TBC1D9: variants seen among roughly 807,000 people sequenced by gnomAD.
The protein encoded by TBC1D9 is TBC1 domain family member 9, also known as TBC1 domain family member 9A.
Under a neutral mutation model 132.0 loss-of-function variants are expected in TBC1D9, and 63 were observed. The ratio of observed to expected loss-of-function variants is 0.48; its 90% confidence interval spans 0.39 to 0.59. TBC1D9 has a LOEUF of 0.59. Among genes scored for constraint, TBC1D9 ranks in the 20% least tolerant of loss-of-function variants. TBC1D9 has a pLI of 0.00. For synonymous variants in TBC1D9, 610 were observed against 609.9 expected, an observed-to-expected ratio of 1.00 and a Z score of 0.00; for missense variants, 1,261 against 1,592.7, an observed-to-expected ratio of 0.79 and a Z score of 3.54.
chr4:140,716,909 T>A (rs1578853886), intron 1 of TBC1D9, among the ~76,000 whole-genome samples: 1 of 136,200 alleles, frequency 7.3e-6, no homozygotes, highest in African/African-American at 2.6e-5. Context: ...GAGTTTAGAG[T>A]AATGGGGGCT....
intron 18 of TBC1D9, among the ~76,000 whole-genome samples, chr4:140,625,014 T>C (rs992442463): frequency 6.6e-6 from 1 of 152,062 alleles, no homozygotes; most frequent in African/African-American, 2.4e-5. Context: ...ATGGTGCCAT[T>C]GCACTCCAGC....
intron 1 of TBC1D9, among the ~76,000 whole-genome samples, chr4:140,742,956 A>T (rs904076087): frequency 5.3e-5 from 8 of 152,028 alleles, no homozygotes; most frequent in Admixed American, 3.9e-4. Flanking sequence ...AGCTTTCAAA[A>T]TGTACATACA....
chr4:140,634,197 G>GAA lies in TBC1D9; in HGVS notation c.2506-11_2506-10dup. On this transcript the variant is annotated splice_polypyrimidine_tract_variant and intron_variant, in intron 15 of 20. Transcript: ENST00000442267. Reference sequence around the variant, plus strand: ...CTGGTGAGATGTTCTGCCTGAAAAAGAATGGATGATCACTGGGGACCCTCT... The same window carrying GAA: ...CTGGTGAGATGTTCTGCCTGAAAAAGAAAATGGATGATCACTGGGGACCCTCT... 1 of 1,610,770 alleles carries GAA rather than the reference G, an allele frequency of 6.2e-7. No homozygotes were observed. The highest frequency in any genetic ancestry group is 8.5e-7 in the Non-Finnish European group (1 of 1,179,510).
intron 2 of TBC1D9, among the ~76,000 whole-genome samples, chr4:140,687,894 TG>T (rs1481864986): frequency 5.9e-5 from 9 of 152,048 alleles, no homozygotes; most frequent in South Asian, 2.1e-4. Context: ...AAGACCAGGC[TG>T]GGTAACATGG....
intron 13 of TBC1D9, chr4:140,644,774 C>T (rs1038733035): frequency 1.4e-4 from 56 of 402,576 alleles, no homozygotes; most frequent in South Asian, 8.8e-4. Flanking sequence ...GAGTACAGGG[C>T]GGGGCAAAGG....
chr4:140,704,013 A>C (rs2111041755), intron 1 of TBC1D9, among the ~76,000 whole-genome samples: 1 of 152,354 alleles, frequency 6.6e-6, no homozygotes, highest in African/African-American at 2.4e-5. Context: ...AATCAAAATA[A>C]GAAATAAAAT....
intron 1 of TBC1D9, among the ~76,000 whole-genome samples, chr4:140,753,988 AATG>A (rs1307599685): frequency 6.6e-6 from 1 of 152,234 alleles, no homozygotes; most frequent in Non-Finnish European, 1.5e-5. Flanking sequence ...TACTCATGAC[AATG>A]ATTTCAATTA....
chr4:140,747,131 T>C (rs762250717), intron 1 of TBC1D9, among the ~76,000 whole-genome samples: 1 of 152,186 alleles, frequency 6.6e-6, no homozygotes, highest in Non-Finnish European at 1.5e-5. Flanking sequence ...GCAGATCATC[T>C]GAGGTCAGAA....
intron 1 of TBC1D9, among the ~76,000 whole-genome samples, chr4:140,708,101 A>T (rs1289025162): frequency 3.9e-5 from 6 of 152,238 alleles, no homozygotes; most frequent in Non-Finnish European, 7.3e-5. Flanking sequence ...AATATTTATA[A>T]TGTGGACCAC....
At chr4:140,643,035 G>T in intron 13 of TBC1D9, 3 of 1,027,514 alleles carry the variant, frequency 2.9e-6, no homozygotes, top group Non-Finnish European at 4.3e-6. Context: ...GGACTTCATG[G>T]GGTACATCCG....
intron 2 of TBC1D9, 134 bp from the exon 3 acceptor site, chr4:140,686,596 C>T: frequency 3.4e-6 from 2 of 595,110 alleles, no homozygotes; most frequent in Non-Finnish European, 5.9e-6. Flanking sequence ...TAAATGCTTT[C>T]TCTCCTCCAG....
intron 1 of TBC1D9, among the ~76,000 whole-genome samples, chr4:140,708,042 T>A (rs772188070): frequency 5.3e-5 from 8 of 152,182 alleles, no homozygotes; most frequent in Admixed American, 1.3e-4. Context: ...ACTGCCTTAT[T>A]TATCTTGGGA....
chr4:140,648,016 G>A (rs555351949), intron 13 of TBC1D9, among the ~76,000 whole-genome samples: 1 of 152,272 alleles, frequency 6.6e-6, no homozygotes, highest in South Asian at 2.1e-4. Context: ...AAATGCTGCA[G>A]CCAACACTTC....
intron 13 of TBC1D9, chr4:140,642,233 G>C: frequency 1.4e-6 from 1 of 724,174 alleles, no homozygotes; most frequent in Admixed American, 2.1e-5. Context: ...GGAATTCTTC[G>C]TCTTCCTCTG....
chr4:140,642,872 T>C, intron 13 of TBC1D9: 2 of 576,234 alleles, frequency 3.5e-6, no homozygotes, highest in Non-Finnish European at 6.1e-6. Flanking sequence ...ACGGCCTGCG[T>C]GCCAAGCTTC....
chr4:140,674,685 A>G (rs1182558281), intron 6 of TBC1D9, among the ~76,000 whole-genome samples: 1 of 146,740 alleles, frequency 6.8e-6, no homozygotes, highest in Admixed American at 6.8e-5. Context: ...GAATATATAT[A>G]TATATATTTT....
Position 140,713,759 on chromosome 4 carries a change from A to AAC in TBC1D9, c.131-12146_131-12145insGT, listed in dbSNP as rs1553972456. On this transcript the variant is annotated intron_variant, in intron 1 of 20. Coordinates refer to ENST00000442267, the MANE Select transcript of TBC1D9 (RefSeq NM_015130.3). ...TCTCTGAAAAAGAATTAAAAAAAAA[A>AAC]AACTATATTTTTTAAAGTAATTTCT... 6.0e-3 allele frequency among the ~76,000 whole-genome samples: 906 copies of AAC among 151,206 alleles called. 9 individuals carry two copies. Among genetic ancestry groups the AAC allele is most frequent in the African/African-American group, 0.02 (842 of 41,224 alleles).
chr4:140,698,819 A>G (rs937743565), intron 2 of TBC1D9, among the ~76,000 whole-genome samples: 5 of 152,142 alleles, frequency 3.3e-5, no homozygotes, highest in African/African-American at 1.2e-4. Context: ...TACCCAGGCA[A>G]TGGAGCTTGC....
Position 140,657,633 on chromosome 4 carries a change from CATAGA to C in TBC1D9, c.2096_2100del (p.Phe699Ter). Reference sequence around the variant, plus strand: ...AACTGGAATATCACTTTAATTCCTTCATAGAAGAAACAGTCAACAACCACAACTGC... The same window carrying C: ...AACTGGAATATCACTTTAATTCCTTCAGAAACAGTCAACAACCACAACTGC... On this transcript the variant is annotated frameshift_variant, in exon 12 of 21. Coordinates refer to ENST00000442267, the MANE Select transcript of TBC1D9 (RefSeq NM_015130.3). LOFTEE classifies it high-confidence loss of function. 6.2e-7 allele frequency: 1 copy of C among 1,614,002 alleles called. No homozygotes were observed. The highest frequency in any genetic ancestry group is 8.5e-7 in the Non-Finnish European group (1 of 1,179,872).
Sources: gnomAD v4.1 joint callset for allele counts (sites outside exome capture counted in the v4.1 genomes callset) on GRCh38, gnomAD v4.1.1 for gene constraint, MANE v1.5 for transcripts, NCBI Gene and HGNC (gene_info 2026-07-23, HGNC 2026-07-21) for gene names.